The following THSD7B variants were observed in gnomAD, a reference collection of about 807,000 sequenced individuals.
THSD7B encodes the protein thrombospondin type 1 domain containing 7B, also known as thrombospondin type-1 domain-containing protein 7B.
THSD7B carries 138 observed loss-of-function variants against 213.6 expected under a neutral mutation model. The observed-to-expected ratio is 0.65, with a 90% CI of 0.56 to 0.74. THSD7B has a LOEUF of 0.74. THSD7B is among the 30% of genes least tolerant of loss of function. THSD7B has a pLI of 0.00. For missense variants in THSD7B, 1,931 were observed against 1,991.5 expected (o/e 0.97, Z 0.58); for synonymous variants, 742 against 687.0 (o/e 1.08, Z -1.25).
chr2:137,006,326 C>T (rs569987390), intron 2 of THSD7B, among the ~76,000 whole-genome samples: 1 of 152,182 alleles, frequency 6.6e-6, no homozygotes, highest in African/African-American at 2.4e-5. Flanking sequence ...ACCCGGGAGG[C>T]GGAGCTTGCA....
chr2:137,461,752 C>T (rs1687890288), intron 15 of THSD7B, among the ~76,000 whole-genome samples: 1 of 152,116 alleles, frequency 6.6e-6, no homozygotes, highest in African/African-American at 2.4e-5. Flanking sequence ...CCCAATAACA[C>T]TTTTCTGAGC....
At chr2:137,022,280 G>C (rs1005510694) in intron 2 of THSD7B, among the ~76,000 whole-genome samples, 18 of 152,274 alleles carry the variant, frequency 1.2e-4, no homozygotes, top group African/African-American at 4.3e-4. Flanking sequence ...TAAACTGGTT[G>C]TACCATTTTG....
At chr2:137,274,387 T>C (rs893470081) in intron 11 of THSD7B, among the ~76,000 whole-genome samples, 5 of 152,084 alleles carry the variant, frequency 3.3e-5, no homozygotes, top group Non-Finnish European at 7.4e-5. Context: ...CCTATTTAAT[T>C]TGTCAAGTGA....
chr2:137,610,975 C>A (rs1682277316), intron 17 of THSD7B, among the ~76,000 whole-genome samples: 1 of 144,154 alleles, frequency 6.9e-6, no homozygotes, highest in Non-Finnish European at 1.5e-5. Flanking sequence ...TACATGTACC[C>A]TAAAACTTAA....
intron 2 of THSD7B, among the ~76,000 whole-genome samples, chr2:137,000,613 G>A (rs1177606334): frequency 1.3e-5 from 2 of 151,984 alleles, no homozygotes; most frequent in African/African-American, 2.4e-5. Context: ...TTACAAGTTT[G>A]CATCACTAAT....
chr2:137,426,518 A>G (rs1687058903), intron 14 of THSD7B, among the ~76,000 whole-genome samples: 1 of 152,202 alleles, frequency 6.6e-6, no homozygotes, highest in Non-Finnish European at 1.5e-5. Flanking sequence ...AAGCTCAGAA[A>G]TAAATGTTGC....
intron 2 of THSD7B, among the ~76,000 whole-genome samples, chr2:137,047,928 C>T (rs1433836841): frequency 6.6e-6 from 1 of 152,080 alleles, no homozygotes; most frequent in Non-Finnish European, 1.5e-5. Context: ...TTTTATTATA[C>T]TTTAAGTTCT....
chr2:137,043,171 A>T (rs1264080924), intron 2 of THSD7B, among the ~76,000 whole-genome samples: 1 of 152,218 alleles, frequency 6.6e-6, no homozygotes, highest in African/African-American at 2.4e-5. Context: ...CAAACAAATT[A>T]GATGTGCAAG....
chr2:137,129,423 C>G (rs1231097370), intron 5 of THSD7B, among the ~76,000 whole-genome samples: 1 of 151,674 alleles, frequency 6.6e-6, no homozygotes, highest in Non-Finnish European at 1.5e-5. Flanking sequence ...AATTCAAATC[C>G]CCTTTGAACA....
chr2:137,451,562 C>G (rs893819968), intron 15 of THSD7B, among the ~76,000 whole-genome samples: 10 of 151,972 alleles, frequency 6.6e-5, no homozygotes, highest in Non-Finnish European at 1.2e-4. Flanking sequence ...CCTGCTTTCT[C>G]AAAAATCATA....
chr2:137,361,853 C>G (rs1685270929), intron 12 of THSD7B, among the ~76,000 whole-genome samples: 1 of 152,024 alleles, frequency 6.6e-6, no homozygotes, highest in African/African-American at 2.4e-5. Context: ...GCAAGGCAGG[C>G]CAACATTCAA....
intron 2 of THSD7B, among the ~76,000 whole-genome samples, chr2:137,053,012 C>T (rs1000953990): frequency 2.6e-5 from 4 of 152,038 alleles, no homozygotes; most frequent in Admixed American, 2.0e-4. Flanking sequence ...AGGAACTATT[C>T]TAGTTTGACT....
intron 5 of THSD7B, among the ~76,000 whole-genome samples, chr2:137,150,164 C>T (rs1446582908): frequency 6.6e-6 from 1 of 151,508 alleles, no homozygotes; most frequent in East Asian, 1.9e-4. Context: ...ATCATTTGAA[C>T]CCGGGAGGCA....
At chr2:137,054,896 G>A (rs1687132207) in intron 2 of THSD7B, among the ~76,000 whole-genome samples, 2 of 151,966 alleles carry the variant, frequency 1.3e-5, no homozygotes, top group African/African-American at 2.4e-5. Context: ...AGCCCCGCAT[G>A]CATTAGGTAT....
chr2:137,315,701 T>C (rs1230531006), intron 12 of THSD7B, among the ~76,000 whole-genome samples: 2 of 152,208 alleles, frequency 1.3e-5, no homozygotes, highest in African/African-American at 4.8e-5. Flanking sequence ...TTAATTACTG[T>C]GTTTAGATGG....
At chr2:136,907,513 G>A (rs1371840103) in intron 2 of THSD7B, among the ~76,000 whole-genome samples, 2 of 152,090 alleles carry the variant, frequency 1.3e-5, no homozygotes, top group Admixed American at 1.3e-4. Flanking sequence ...GAATTTGATA[G>A]CCAACAGAAA....
chr2:137,375,242 G>A (rs886343928), intron 12 of THSD7B, among the ~76,000 whole-genome samples: 1 of 151,998 alleles, frequency 6.6e-6, no homozygotes, highest in Admixed American at 6.6e-5. Context: ...TGAGACATTG[G>A]AAGGCAGTTT....
chr2:137,537,677 T>G (rs1680532326), intron 15 of THSD7B, among the ~76,000 whole-genome samples: 1 of 151,724 alleles, frequency 6.6e-6, no homozygotes. Flanking sequence ...CATAAAAGAG[T>G]AAAACTTGAT....
chr2:137,613,832 C>T (rs1682331319), intron 17 of THSD7B, among the ~76,000 whole-genome samples: 2 of 152,110 alleles, frequency 1.3e-5, no homozygotes, highest in Non-Finnish European at 2.9e-5. Context: ...CTCCATCTCT[C>T]TTGTGGATAA....
Sources: allele counts gnomAD v4.1 joint callset (sites outside exome capture counted in the v4.1 genomes callset), GRCh38; gene constraint gnomAD v4.1.1; transcripts MANE v1.5; gene names NCBI Gene and HGNC (gene_info 2026-07-23, HGNC 2026-07-21).